CNTN6: variants seen among roughly 807,000 people sequenced by gnomAD.
The protein encoded by CNTN6 is contactin 6.
Under a neutral mutation model 122.8 loss-of-function variants are expected in CNTN6, and 137 were observed. The observed-to-expected ratio is 1.12, with a 90% confidence interval of 0.97 to 1.29. CNTN6 has a LOEUF of 1.29. Ranked by LOEUF, CNTN6 falls within the 50% of genes most tolerant of loss-of-function variation. CNTN6 has a pLI of 0.00. For synonymous variants in CNTN6, 570 were observed against 426.0 expected, an observed-to-expected ratio of 1.34 and a Z score of -4.16; for missense variants, 1,634 against 1,223.4, an observed-to-expected ratio of 1.34 and a Z score of -5.01.
intron 4 of CNTN6, among the ~76,000 whole-genome samples, chr3:1,246,146 G>T (rs989000547): frequency 6.6e-6 from 1 of 152,016 alleles, no homozygotes; most frequent in Non-Finnish European, 1.5e-5. Context: ...CCAGATCCAG[G>T]AATAGATATT....
intron 20 of CNTN6, among the ~76,000 whole-genome samples, chr3:1,387,991 G>A (rs906529932): frequency 6.6e-5 from 10 of 151,928 alleles, no homozygotes; most frequent in South Asian, 6.2e-4. Flanking sequence ...GGGGAGGGGC[G>A]CCCGCCATTG....
intron 12 of CNTN6, among the ~76,000 whole-genome samples, chr3:1,371,347 T>A (rs1708984367): frequency 6.6e-6 from 1 of 152,042 alleles, no homozygotes; most frequent in Non-Finnish European, 1.5e-5. Flanking sequence ...ATGTATAATT[T>A]TTTTTTTACA....
At chr3:1,159,015 G>A (rs1220018425) in intron 2 of CNTN6, among the ~76,000 whole-genome samples, 2 of 144,884 alleles carry the variant, frequency 1.4e-5, no homozygotes, top group Non-Finnish European at 3.0e-5. Context: ...TAAACTCCTG[G>A]CCTCAAGTGA....
chr3:1,116,861 C>A lies in CNTN6; in HGVS notation c.-83+23741C>A, dbSNP rs150503161. 8.7e-3 allele frequency among the ~76,000 whole-genome samples: 1,327 copies of A among 152,132 alleles called. 26 individuals are homozygous for A. Among genetic ancestry groups the A allele is most frequent in the African/African-American group, 0.029 (1,190 of 41,502 alleles). ...CTGGGATTACAGGCGCCTGCCACCACGCATGGCTAATTTTTGTATTTTTAG... is the reference window on the plus strand; with the variant it reads ...CTGGGATTACAGGCGCCTGCCACCAAGCATGGCTAATTTTTGTATTTTTAG... On this transcript the variant is annotated intron_variant, in intron 1 of 22. Transcript: ENST00000446702.
intron 1 of CNTN6, among the ~76,000 whole-genome samples, chr3:1,114,702 G>C (rs370228018): frequency 4.6e-5 from 7 of 152,220 alleles, no homozygotes; most frequent in African/African-American, 1.4e-4. Flanking sequence ...CGCAAAAGTG[G>C]TATTTTTAGT....
intron 7 of CNTN6, among the ~76,000 whole-genome samples, chr3:1,300,847 C>A (rs1400486530): frequency 1.3e-5 from 2 of 151,660 alleles, no homozygotes; most frequent in African/African-American, 4.8e-5. Flanking sequence ...ATATATTTAA[C>A]CAGATACATG....
chr3:1,381,038 CT>C (rs1346976581), intron 17 of CNTN6, among the ~76,000 whole-genome samples: 1 of 152,080 alleles, frequency 6.6e-6, no homozygotes, highest in Non-Finnish European at 1.5e-5. Flanking sequence ...AAATAAGTCT[CT>C]TTTTTCCCCT....
rs74858998 is a variant in CNTN6, at chr3:1,344,923, C to G, written c.1365-7401C>G. 4.3e-4 allele frequency among the ~76,000 whole-genome samples: 65 copies of G among 152,150 alleles called. 1 individual carries two copies. The highest frequency in any genetic ancestry group is 7.2e-4 in the Admixed American group (11 of 15,268). On this transcript the variant is annotated intron_variant, in intron 11 of 22. Coordinates refer to ENST00000446702, the MANE Select transcript of CNTN6 (RefSeq NM_001289080.2). ...TTTAGGTTTGTTTCCTCTGGTCCCT[C>G]GATCATGTCTCTCTTGAGACAGTAC...
chr3:1,217,674 G>C (rs1351698336), intron 2 of CNTN6, among the ~76,000 whole-genome samples: 1 of 152,142 alleles, frequency 6.6e-6, no homozygotes, highest in East Asian at 1.9e-4. Context: ...TCCTTTAAAA[G>C]GTGAGAAAAT....
At chr3:1,108,980 C>G (rs1001634730) in intron 1 of CNTN6, among the ~76,000 whole-genome samples, 1 of 151,826 alleles carries the variant, frequency 6.6e-6, no homozygotes, top group South Asian at 2.1e-4. Flanking sequence ...TAAAGTAAGT[C>G]AAAAGTCCTG....
intron 4 of CNTN6, among the ~76,000 whole-genome samples, chr3:1,256,581 G>A (rs1332203450): frequency 6.6e-6 from 1 of 152,136 alleles, no homozygotes; most frequent in Non-Finnish European, 1.5e-5. Flanking sequence ...ATATGAATTT[G>A]AGAATTATCT....
At chr3:1,123,197 T>C (rs1448393547) in intron 1 of CNTN6, among the ~76,000 whole-genome samples, 1 of 151,926 alleles carries the variant, frequency 6.6e-6, no homozygotes, top group African/African-American at 2.4e-5. Context: ...CATTGGAATT[T>C]TAACAGGGAT....
At chr3:1,328,464 ATTCT>A (rs1322841862) in intron 10 of CNTN6, among the ~76,000 whole-genome samples, 1 of 151,838 alleles carries the variant, frequency 6.6e-6, no homozygotes, top group East Asian at 1.9e-4. Context: ...TCATTTGCTC[ATTCT>A]TTCTATCGCT....
In CNTN6 at chr3:1,372,435, C is replaced by T. The variant is rs370150307; in HGVS notation, c.1629C>T (p.Asp543=). The part of the protein sequence containing the change: ...FVWFFNGDVI[D]LKKGVAHFER... ...GGTTTTTCAATGGAGATGTCATAGA[C>T]TTAAAAAAAGGAGTGGCTCATTTTG... The change falls in exon 13 of 23, where the codon GAC becomes GAT. Residue 543 remains aspartate (D), a synonymous_variant. Transcript: ENST00000446702. 20 of 1,610,988 alleles carry T rather than the reference C, an allele frequency of 1.2e-5. No homozygotes were observed. The highest frequency in any genetic ancestry group is 1.5e-5 in the Non-Finnish European group (18 of 1,178,852).
At chr3:1,096,047 A>T (rs927654349) in intron 1 of CNTN6, among the ~76,000 whole-genome samples, 1 of 152,114 alleles carries the variant, frequency 6.6e-6, no homozygotes. Flanking sequence ...TTGAACATGT[A>T]TTTCTTTTGC....
At chr3:1,244,814 G>T (rs140404584) in intron 4 of CNTN6, among the ~76,000 whole-genome samples, 10,436 of 151,646 alleles carry the variant, frequency 0.069, 454 homozygotes, top group Admixed American at 0.13. Flanking sequence ...CTGGTGGGCA[G>T]GGGTGGATCT....
intron 1 of CNTN6, among the ~76,000 whole-genome samples, chr3:1,094,351 TAAAA>T (rs544330712): frequency 6.6e-6 from 1 of 151,242 alleles, no homozygotes; most frequent in Non-Finnish European, 1.5e-5. Flanking sequence ...ACAATTTGTG[TAAAA>T]AAAAAGAAAT....
chr3:1,352,401 C>T lies in CNTN6; in HGVS notation c.1442C>T (p.Ala481Val), dbSNP rs781191971. ...GATGCTGGATCATATACATGCATAGCCACAAATCAGTTTGGCACTGCAAAG... is the reference window on the plus strand; with the variant it reads ...GATGCTGGATCATATACATGCATAGTCACAAATCAGTTTGGCACTGCAAAG... Reference protein sequence around the residue: ...RSDAGSYTCIATNQFGTAKNT... With the variant: ...RSDAGSYTCIVTNQFGTAKNT... Residue 481 changes from alanine to valine, a missense_variant, in exon 12 of 23, where the codon GCC becomes GTC. Ala to Val is a moderately conservative substitution (Grantham distance 64). Coordinates refer to ENST00000446702, the MANE Select transcript of CNTN6 (RefSeq NM_001289080.2). 4.4e-5 allele frequency: 70 copies of T among 1,608,110 alleles called. No individual in the cohort carries two copies. Among genetic ancestry groups the T allele is most frequent in the Non-Finnish European group, 5.7e-5 (67 of 1,176,242 alleles).
At chr3:1,175,551 G>T (rs2125315423) in intron 2 of CNTN6, among the ~76,000 whole-genome samples, 1 of 150,536 alleles carries the variant, frequency 6.6e-6, no homozygotes, top group South Asian at 2.1e-4. Flanking sequence ...GACTTTGTAG[G>T]TCCTTTTACA....
Sources: allele counts gnomAD v4.1 joint callset (sites outside exome capture counted in the v4.1 genomes callset), GRCh38; gene constraint gnomAD v4.1.1; transcripts MANE v1.5; gene names NCBI Gene and HGNC (gene_info 2026-07-23, HGNC 2026-07-21).